Variants in IRAG1 observed in about 807,000 individuals in gnomAD.
IRAG1 encodes the protein IP3R-associated cGMP kinase substrate.
IRAG1 carries 62 observed loss-of-function variants against 106.2 expected under a neutral mutation model. The ratio of observed to expected loss-of-function variants is 0.58; its 90% confidence interval spans 0.48 to 0.72. IRAG1 has a LOEUF of 0.72. Among genes scored for constraint, IRAG1 ranks in the 30% least tolerant of loss-of-function variants. The pLI is 0.00. For synonymous variants in IRAG1, 462 were observed against 443.9 expected, an observed-to-expected ratio of 1.04 and a Z score of -0.51; for missense variants, 1,064 against 1,140.7, an observed-to-expected ratio of 0.93 and a Z score of 0.97.
chr11:10,649,096 C>T (rs1054473144), intron 2 of IRAG1, among the ~76,000 whole-genome samples: 9 of 152,202 alleles, frequency 5.9e-5, no homozygotes, highest in African/African-American at 2.2e-4. Context: ...CTCGGATGCT[C>T]CCAGGGACTC....
At chr11:10,689,154 A>C (rs1861874873) in intron 1 of IRAG1, among the ~76,000 whole-genome samples, 1 of 152,182 alleles carries the variant, frequency 6.6e-6, no homozygotes, top group Non-Finnish European at 1.5e-5. Flanking sequence ...AAAATAAATA[A>C]AATGAAAACG....
intron 1 of IRAG1, among the ~76,000 whole-genome samples, chr11:10,660,597 C>T (rs1054933980): frequency 6.6e-6 from 1 of 152,178 alleles, no homozygotes; most frequent in Admixed American, 6.5e-5. Context: ...CTTGCTCCTA[C>T]CAGGGTGCAG....
At chr11:10,629,838 A>G in intron 4 of IRAG1, 127 bp from the exon 5 acceptor site, 2 of 951,780 alleles carry the variant, frequency 2.1e-6, no homozygotes, top group Non-Finnish European at 1.5e-6. Flanking sequence ...ACCTCAGCCC[A>G]GTGCCATCAA....
chr11:10,665,892 T>C lies in IRAG1; in HGVS notation c.68-13710A>G, dbSNP rs1264898177. Among the ~76,000 whole-genome samples the C allele has an allele frequency of 6.6e-6, 1 of 152,154 alleles. No homozygotes were observed. The highest frequency in any genetic ancestry group is 1.5e-5 in the Non-Finnish European group (1 of 68,032). ...GGTTATCCAGATGTATGCAAACAGC[T>C]GCATTAGCTGAGTCTTTAGACCCAA... On this transcript the variant is annotated intron_variant, in intron 1 of 20. Transcript: ENST00000423302. The surrounding 1 kb of genome is among the most constrained non-coding windows in gnomAD (Gnocchi z 4.2).
chr11:10,687,747 A>G, intron 1 of IRAG1: 1 of 1,289,052 alleles, frequency 7.8e-7, no homozygotes, highest in Non-Finnish European at 1.0e-6. Flanking sequence ...AGAGCCTCAA[A>G]CCCAGTGCAG....
chr11:10,675,346 C>T (rs1055778825), intron 1 of IRAG1, among the ~76,000 whole-genome samples: 6 of 152,210 alleles, frequency 3.9e-5, no homozygotes, highest in African/African-American at 1.4e-4. Context: ...GTTCCCCTCT[C>T]CTGTGTGTCA....
chr11:10,693,509 T>C, intron 1 of IRAG1, 27 bp downstream of exon 1: 19 of 1,535,296 alleles, frequency 1.2e-5, no homozygotes, highest in Non-Finnish European at 1.7e-5. Flanking sequence ...AAGAGGCAGG[T>C]TATTCTAGGA....
At chr11:10,607,610 C>G (rs760518397) in intron 11 of IRAG1, among the ~76,000 whole-genome samples, 1 of 150,230 alleles carries the variant, frequency 6.7e-6, no homozygotes, top group African/African-American at 2.5e-5. Flanking sequence ...TGTGCTGGGG[C>G]GGGGAGGCCT....
rs546739633 is a variant in IRAG1 at position 10,592,778 on chromosome 11, G to C, written c.2175+714C>G. On this transcript the variant is annotated intron_variant, in intron 17 of 20. Coordinates refer to ENST00000423302, the MANE Select transcript of IRAG1 (RefSeq NM_130385.4). Reference sequence around the variant, plus strand: ...AAGGCATCAGGAAGAAAATAAAAATGAACTATTTTACCATTGCCTAGAGAT... The same window carrying C: ...AAGGCATCAGGAAGAAAATAAAAATCAACTATTTTACCATTGCCTAGAGAT... 2.0e-5 allele frequency among the ~76,000 whole-genome samples: 3 copies of C among 152,230 alleles called. No individual in the cohort carries two copies. In the East Asian group the frequency reaches 5.8e-4, roughly 29 times the overall value.
At chr11:10,601,403 C>T (rs926344788) in intron 14 of IRAG1, among the ~76,000 whole-genome samples, 1 of 152,164 alleles carries the variant, frequency 6.6e-6, no homozygotes, top group Non-Finnish European at 1.5e-5. Flanking sequence ...GCAGGAGGGA[C>T]ACAGCGTTCA....
intron 7 of IRAG1, 69 bp from the exon 8 acceptor site, chr11:10,627,829 C>T: frequency 6.2e-7 from 1 of 1,605,194 alleles, no homozygotes; most frequent in Non-Finnish European, 8.5e-7. Flanking sequence ...GAAATATCCC[C>T]AAGGAGGCCC....
Position 10,576,102 on chromosome 11 carries a change from C to CT in IRAG1, c.*229dup. 1 of 556,488 alleles carries CT rather than the reference C, an allele frequency of 1.8e-6. No homozygotes were observed. The highest frequency in any genetic ancestry group is 3.2e-6 in the Non-Finnish European group (1 of 314,440). 34.5% of individuals were successfully genotyped at this position (556,488 alleles called of 1,614,324 possible). On this transcript the variant is annotated 3_prime_UTR_variant, in exon 21 of 21. Transcript: ENST00000423302. ...CAATAGAGTTCCTTGGTGAAGGTGA[C>CT]TTCTTCATCCACTGGATGCTTTCCC...
At chr11:10,634,252 A>G (rs1487747014) in intron 2 of IRAG1, among the ~76,000 whole-genome samples, 181 bp from the exon 3 acceptor site, 1 of 152,208 alleles carries the variant, frequency 6.6e-6, no homozygotes, top group Non-Finnish European at 1.5e-5. Context: ...AACATTGTAT[A>G]TATTCAAGGC....
chr11:10,678,607 C>T (rs1209888986), intron 1 of IRAG1, among the ~76,000 whole-genome samples: 1 of 152,206 alleles, frequency 6.6e-6, no homozygotes, highest in African/African-American at 2.4e-5. Context: ...CACGCCACCA[C>T]AGCGGCCCTC....
chr11:10,579,547 C>T (rs1398942863), intron 20 of IRAG1, among the ~76,000 whole-genome samples: 1 of 152,144 alleles, frequency 6.6e-6, no homozygotes, highest in Admixed American at 6.5e-5. Flanking sequence ...GACAACATAG[C>T]TGAATATATG....
intron 9 of IRAG1, 101 bp from the exon 10 acceptor site, chr11:10,623,957 G>A: frequency 9.0e-7 from 1 of 1,108,902 alleles, no homozygotes; most frequent in Non-Finnish European, 1.3e-6. Flanking sequence ...TCTTAGGTGG[G>A]AAAGCGGGGC....
At chr11:10,608,203 C>T (rs1295400019) in intron 11 of IRAG1, among the ~76,000 whole-genome samples, 1 of 152,162 alleles carries the variant, frequency 6.6e-6, no homozygotes, top group Non-Finnish European at 1.5e-5. Context: ...TGGCTTACTA[C>T]AGCCTTGAAC....
intron 12 of IRAG1, 134 bp downstream of exon 12, chr11:10,606,605 ATGT>A: frequency 1.2e-6 from 1 of 854,132 alleles, no homozygotes; most frequent in Admixed American, 3.0e-5. Flanking sequence ...CTGGTCATGA[ATGT>A]TCACATTACC....
At chr11:10,591,822 C>T (rs890181304) in intron 17 of IRAG1, among the ~76,000 whole-genome samples, 1 of 152,184 alleles carries the variant, frequency 6.6e-6, no homozygotes, top group Non-Finnish European at 1.5e-5. Context: ...ATGCAGCTTC[C>T]TCCTTTTCCT....
Sources: gnomAD v4.1 joint callset for allele counts (sites outside exome capture counted in the v4.1 genomes callset) on GRCh38, gnomAD v4.1.1 for gene constraint, Gnocchi (gnomAD v3.1) non-coding constraint, MANE v1.5 for transcripts, NCBI Gene and HGNC (gene_info 2026-07-23, HGNC 2026-07-21) for gene names.